LNPK: variants seen among roughly 807,000 people sequenced by gnomAD.
LNPK encodes lunapark, ER junction formation factor.
Under a neutral mutation model 55.2 loss-of-function variants are expected in LNPK, and 29 were observed. The observed-to-expected ratio is 0.53, with a 90% CI of 0.39 to 0.72. The LOEUF (loss-of-function observed/expected upper bound fraction) is 0.72, where lower values mean the gene tolerates loss of function less well. LNPK is among the 30% of genes least tolerant of loss of function. The pLI, the probability that LNPK is intolerant of heterozygous loss-of-function variation, is 0.00. For synonymous variants in LNPK, 162 were observed against 168.2 expected, an observed-to-expected ratio of 0.96 and a Z score of 0.29; for missense variants, 467 against 494.8, an observed-to-expected ratio of 0.94 and a Z score of 0.53.
intron 6 of LNPK, chr2:175,967,645 T>C: frequency 3.0e-6 from 3 of 985,010 alleles, no homozygotes; most frequent in Non-Finnish European, 3.6e-6. Context: ...CCTTTTATCA[T>C]GCTGAAAATA....
chr2:175,933,302 C>A (rs746256315), intron 12 of LNPK, among the ~76,000 whole-genome samples: 9 of 152,066 alleles, frequency 5.9e-5, no homozygotes, highest in Admixed American at 5.9e-4. Flanking sequence ...TACACACATG[C>A]AAAAACATGT....
chr2:175,955,034 A>G (rs1168281958), intron 8 of LNPK, among the ~76,000 whole-genome samples: 3 of 152,240 alleles, frequency 2.0e-5, no homozygotes, highest in Non-Finnish European at 2.9e-5. Context: ...TGGGCTGAAG[A>G]AAGGGTTTAC....
intron 4 of LNPK, among the ~76,000 whole-genome samples, chr2:175,980,349 C>T (rs1344107784): frequency 6.6e-6 from 1 of 152,182 alleles, no homozygotes; most frequent in African/African-American, 2.4e-5. Context: ...ACAGTCTCTA[C>T]TCTAAGAGAT....
At chr2:175,969,332 C>T (rs1048158561) in intron 6 of LNPK, among the ~76,000 whole-genome samples, 1 of 152,072 alleles carries the variant, frequency 6.6e-6, no homozygotes, top group Non-Finnish European at 1.5e-5. Context: ...TTTTATGTTG[C>T]GATTCCTTTA....
intron 1 of LNPK, among the ~76,000 whole-genome samples, chr2:175,996,621 A>G (rs1324405318): frequency 6.6e-6 from 1 of 152,208 alleles, no homozygotes; most frequent in Non-Finnish European, 1.5e-5. Context: ...GCTCAGAAGA[A>G]ATATGGCCTA....
intron 8 of LNPK, among the ~76,000 whole-genome samples, chr2:175,958,104 C>G (rs533962434): frequency 1.8e-4 from 27 of 152,326 alleles, no homozygotes; most frequent in African/African-American, 6.3e-4. Context: ...GGCCTGCCTG[C>G]CTCTGTAGAC....
At chr2:175,946,659 T>C (rs1685136278) in intron 9 of LNPK, among the ~76,000 whole-genome samples, 1 of 152,164 alleles carries the variant, frequency 6.6e-6, no homozygotes, top group African/African-American at 2.4e-5. Flanking sequence ...TATCAGCTAC[T>C]GCCTAGCCTC....
chr2:175,972,128 A>T (rs1574870175), intron 5 of LNPK, among the ~76,000 whole-genome samples: 1 of 151,950 alleles, frequency 6.6e-6, no homozygotes, highest in Non-Finnish European at 1.5e-5. Context: ...GTTGGCCAGG[A>T]TGGTCTTGAA....
At chr2:175,989,658 C>A (rs1687598954) in intron 4 of LNPK, among the ~76,000 whole-genome samples, 1 of 152,116 alleles carries the variant, frequency 6.6e-6, no homozygotes. Flanking sequence ...CCCAAACCTT[C>A]CCTCACTACG....
At chr2:175,935,884 T>C (rs764914326) in intron 12 of LNPK, 12 of 171,914 alleles carry the variant, frequency 7.0e-5, no homozygotes, top group African/African-American at 1.2e-4. Flanking sequence ...GGACTCATTA[T>C]CAAGATTTTC....
intron 8 of LNPK, among the ~76,000 whole-genome samples, chr2:175,951,254 C>CAGGT (rs577423817): frequency 2.8e-4 from 42 of 152,126 alleles, no homozygotes; most frequent in African/African-American, 1.0e-3. Flanking sequence ...TACTGAGGAA[C>CAGGT]AGGTGGTGTT....
chr2:175,931,441 C>G (rs942019543), intron 12 of LNPK, among the ~76,000 whole-genome samples: 1 of 152,188 alleles, frequency 6.6e-6, no homozygotes, highest in East Asian at 1.9e-4. Context: ...CTATAGCTCA[C>G]ATACTCTATG....
At chr2:175,947,946 C>T (rs980978414) in intron 8 of LNPK, among the ~76,000 whole-genome samples, 5 of 152,046 alleles carry the variant, frequency 3.3e-5, no homozygotes, top group Admixed American at 3.3e-4. Context: ...CAAAACAAAT[C>T]CAGTAAAATG....
At chr2:175,932,255 G>C (rs534513836) in intron 12 of LNPK, 23 of 439,980 alleles carry the variant, frequency 5.2e-5, no homozygotes, top group African/African-American at 2.6e-4. Context: ...AGTCAAAGCC[G>C]ATTTAATGTA....
rs1156894972 is a variant in LNPK at position 175,926,015 on chromosome 2, T to C, written c.*3952A>G. ...CTCAGGCTGCAGCACACAGAATAGA[T>C]AGCAAGTGCACAAGGTTGGAGACAA... On this transcript the variant is annotated 3_prime_UTR_variant, in exon 13 of 13. Coordinates refer to ENST00000272748, the MANE Select transcript of LNPK (RefSeq NM_030650.3). 6.6e-6 allele frequency: 1 copy of C among 152,156 alleles called. No homozygotes were observed. The highest frequency in any genetic ancestry group is 1.5e-5 in the Non-Finnish European group (1 of 68,046). 9.4% of individuals were successfully genotyped at this position (152,156 alleles called of 1,614,324 possible). A position where few individuals can be genotyped will look rare whatever the true frequency, so the allele number is the denominator to read the frequency against.
At position 175,947,581 on chromosome 2, in the gene LNPK, G is replaced by C. The variant is rs1237686230; in HGVS notation, c.605C>G (p.Ser202Cys). The part of the protein sequence containing the change: ...PVSPGPPKDS[S>C]APGGPPERTV... ...CCTTTCTGGGGGTCCACCAGGGGCA[G>C]AACTGTCCTTTGGTGGTCCAGGAGA... The change falls in exon 9 of 13, where the codon TCT becomes TGT. Residue 202 changes from serine (S) to cysteine (C), a missense_variant. Ser to Cys is a moderately radical substitution (Grantham distance 112). Coordinates refer to ENST00000272748, the MANE Select transcript of LNPK (RefSeq NM_030650.3). 14 of 1,614,036 alleles carry C rather than the reference G, an allele frequency of 8.7e-6. No homozygotes were observed. The highest frequency in any genetic ancestry group is 1.2e-5 in the Non-Finnish European group (14 of 1,179,936).
intron 4 of LNPK, among the ~76,000 whole-genome samples, chr2:175,989,143 T>C (rs781444313): frequency 1.3e-5 from 2 of 152,220 alleles, no homozygotes; most frequent in Non-Finnish European, 2.9e-5. Flanking sequence ...AGGTTACAAA[T>C]TATGTTTGTC....
Position 175,937,358 on chromosome 2 carries a change from T to C in LNPK, c.1040A>G (p.Asn347Ser), listed in dbSNP as rs762785151. 2 of 1,613,128 alleles carry C rather than the reference T, an allele frequency of 1.2e-6. No individual in the cohort carries two copies. Among genetic ancestry groups the C allele is most frequent in the Non-Finnish European group, 1.7e-6 (2 of 1,179,582 alleles). The change falls in exon 12 of 13, where the codon AAC becomes AGC. Residue 347 changes from asparagine to serine, a missense_variant. Transcript: ENST00000272748. The stretch of plus-strand genomic sequence containing the variant: ...CATATTCATACCTTCATTAAACTGG[T>C]TGTCTGATGAAAGCACACTTCCTGA... The part of the protein sequence containing the change: ...LPSGSVLSSD[N>S]QFNEESLEHD...
At chr2:175,948,291 T>C (rs1685241028) in intron 8 of LNPK, among the ~76,000 whole-genome samples, 1 of 152,232 alleles carries the variant, frequency 6.6e-6, no homozygotes, top group Non-Finnish European at 1.5e-5. Flanking sequence ...TAATACATCT[T>C]AGCTTATAGT....
Sources: gnomAD v4.1 joint callset for allele counts (sites outside exome capture counted in the v4.1 genomes callset) on GRCh38, gnomAD v4.1.1 for gene constraint, MANE v1.5 for transcripts, NCBI Gene and HGNC (gene_info 2026-07-23, HGNC 2026-07-21) for gene names.